Variants in PHF21A observed in about 807,000 individuals in gnomAD.
The protein encoded by PHF21A is BHC80a.
In PHF21A, 11 loss-of-function variants were observed where a neutral mutation model predicts 82.5. The observed-to-expected ratio is 0.13, with a 90% CI of 0.08 to 0.22. The LOEUF (loss-of-function observed/expected upper bound fraction) is 0.22, where lower values mean the gene tolerates loss of function less well. Among genes scored for constraint, PHF21A ranks in the 10% least tolerant of loss-of-function variants. The probability of loss-of-function intolerance (pLI) is 1.00; values close to 1 mark genes in which losing one functional copy is unlikely to be tolerated. For synonymous variants in PHF21A, 297 were observed against 302.8 expected (o/e 0.98, Z 0.20); for missense variants, 579 against 837.8 (o/e 0.69, Z 3.81).
chr11:46,036,532 C>T (rs2096007797), intron 6 of PHF21A, among the ~76,000 whole-genome samples: 1 of 152,104 alleles, frequency 6.6e-6, no homozygotes, highest in South Asian at 2.1e-4. Flanking sequence ...GTTCAATCTC[C>T]CCACTTAGAA....
At chr11:46,094,740 C>CA (rs998378554) in intron 1 of PHF21A, among the ~76,000 whole-genome samples, 22 of 148,424 alleles carry the variant, frequency 1.5e-4, no homozygotes, top group Middle Eastern at 6.9e-3. Context: ...ACTAAAAATA[C>CA]AAAAAAAAAA....
At chr11:45,942,447 G>A (rs997947524) in intron 15 of PHF21A, among the ~76,000 whole-genome samples, 1 of 152,208 alleles carries the variant, frequency 6.6e-6, no homozygotes, top group African/African-American at 2.4e-5. Context: ...CAATGAGCTG[G>A]TGATCCTTTG....
chr11:45,945,015 G>A (rs2091083218), intron 15 of PHF21A, among the ~76,000 whole-genome samples: 1 of 152,124 alleles, frequency 6.6e-6, no homozygotes, highest in African/African-American at 2.4e-5. Flanking sequence ...TGCCTGCCTC[G>A]GCCTCCCAAA....
At chr11:45,984,083 T>TC (rs753776131) in intron 6 of PHF21A, among the ~76,000 whole-genome samples, 7 of 152,148 alleles carry the variant, frequency 4.6e-5, no homozygotes, top group Non-Finnish European at 7.3e-5. Context: ...CCTGAAGCTT[T>TC]GAGAAAGGGC....
intron 6 of PHF21A, among the ~76,000 whole-genome samples, chr11:46,021,327 G>C (rs928912913): frequency 6.8e-6 from 1 of 148,134 alleles, no homozygotes; most frequent in African/African-American, 2.5e-5. Context: ...CTTCCAAAGT[G>C]CTGGGATTAC....
rs2087545551 is a variant in PHF21A, at chr11:45,930,286, CTG to C, written c.*3680_*3681del. 6.6e-6 allele frequency: 1 copy of C among 152,284 alleles called. No homozygotes were observed. Among genetic ancestry groups the C allele is most frequent in the Admixed American group, 6.5e-5 (1 of 15,288 alleles). The allele number at this position is 152,284 out of a possible 1,614,324, so 9.4% of individuals were successfully genotyped here. On this transcript the variant is annotated 3_prime_UTR_variant, in exon 19 of 19. Transcript: ENST00000676320. ...GACACGGTCACCCTCACGGAAACAG[CTG>C]TGTGTAACCACCTCCATGCACGCTG... is the stretch of plus-strand genomic sequence containing the variant.
chr11:46,056,786 T>C (rs1318998145), intron 6 of PHF21A, among the ~76,000 whole-genome samples: 1 of 152,148 alleles, frequency 6.6e-6, no homozygotes, highest in African/African-American at 2.4e-5. Flanking sequence ...AGATTAGCTA[T>C]AGAATCCTTG....
chr11:46,065,441 TG>T (rs1456800282), intron 6 of PHF21A, among the ~76,000 whole-genome samples: 1 of 152,242 alleles, frequency 6.6e-6, no homozygotes, highest in East Asian at 1.9e-4. Context: ...ATGCTGAGCA[TG>T]GCAGTGCTGA....
intron 12 of PHF21A, 56 bp from the exon 13 acceptor site, chr11:45,949,537 T>G: frequency 7.3e-7 from 1 of 1,372,144 alleles, no homozygotes; most frequent in South Asian, 1.2e-5. Context: ...CTAAAAAACT[T>G]AACTTCATTG....
chr11:46,087,136 G>C (rs1046533813), intron 3 of PHF21A, among the ~76,000 whole-genome samples: 1 of 152,174 alleles, frequency 6.6e-6, no homozygotes, highest in Non-Finnish European at 1.5e-5. Flanking sequence ...TCTTCTTTTT[G>C]GGGTATTGAT....
chr11:45,937,858 T>G (rs943260158), intron 16 of PHF21A, among the ~76,000 whole-genome samples: 13 of 152,210 alleles, frequency 8.5e-5, no homozygotes, highest in African/African-American at 3.1e-4. Flanking sequence ...AACCATATAC[T>G]TGGTCTGGAC....
At chr11:45,945,512 A>G (rs1381592838) in intron 15 of PHF21A, among the ~76,000 whole-genome samples, 2 of 152,140 alleles carry the variant, frequency 1.3e-5, no homozygotes, top group African/African-American at 4.8e-5. Flanking sequence ...CAAAACACTG[A>G]TGATAGAAAC....
chr11:45,969,145 C>G (rs1354880763), intron 9 of PHF21A, among the ~76,000 whole-genome samples: 1 of 152,150 alleles, frequency 6.6e-6, no homozygotes, highest in African/African-American at 2.4e-5. Flanking sequence ...TGTCTGAAAA[C>G]TAGGGCCTCA....
intron 9 of PHF21A, among the ~76,000 whole-genome samples, chr11:45,969,369 C>CT (rs2136036680): frequency 6.6e-6 from 1 of 152,310 alleles, no homozygotes; most frequent in East Asian, 1.9e-4. Flanking sequence ...AAGGCTTTGC[C>CT]TTTAAGCATG....
At chr11:46,105,592 C>G (rs945738751) in intron 1 of PHF21A, among the ~76,000 whole-genome samples, 17 of 152,118 alleles carry the variant, frequency 1.1e-4, no homozygotes, top group Admixed American at 2.6e-4. Flanking sequence ...CCTTCCATCA[C>G]CCCTTCTTCT....
chr11:46,075,902 A>C (rs1384922271), intron 6 of PHF21A, among the ~76,000 whole-genome samples: 1 of 152,260 alleles, frequency 6.6e-6, no homozygotes, highest in East Asian at 1.9e-4. Flanking sequence ...AGAACTATTT[A>C]GTCAAAAATC....
chr11:45,936,432 T>C (rs1314897042), intron 17 of PHF21A, 62 bp downstream of exon 17: 1 of 931,746 alleles, frequency 1.1e-6, no homozygotes, highest in Middle Eastern at 2.2e-4. Context: ...AAACAAATAC[T>C]GCCAGTATTT....
In PHF21A at chr11:45,936,539, G is replaced by C. The variant is rs2089097233; in HGVS notation, c.1639C>G (p.Pro547Ala). Residue 547 changes from proline (P) to alanine (A), a missense_variant, in exon 17 of 19, where the codon CCT becomes GCT. Around this residue, in one of 3 missense-constraint regions of PHF21A, gnomAD observed 410 missense variants for 642.1 expected, o/e 0.64. Transcript: ENST00000676320. ...GAATGAACAATTGCTAAAGTTCCAG[G>C]CCATGGAATTGCTTCTTCCTTCTTC... ...MLKKEEAIPW[P>A]GTLAIVHSYI... 6.2e-7 allele frequency: 1 copy of C among 1,613,140 alleles called. No homozygotes were observed. Among genetic ancestry groups the C allele is most frequent in the Admixed American group, 1.7e-5 (1 of 59,992 alleles).
At chr11:45,975,322 C>CAA (rs2093971227) in intron 7 of PHF21A, among the ~76,000 whole-genome samples, 3 of 112,092 alleles carry the variant, frequency 2.7e-5, no homozygotes, top group Non-Finnish European at 4.1e-5. Flanking sequence ...TCAAAGAAAA[C>CAA]AAAATAAAAT....
Sources: allele counts gnomAD v4.1 joint callset (sites outside exome capture counted in the v4.1 genomes callset), GRCh38; gene constraint gnomAD v4.1.1; regional missense constraint gnomAD v4.1.1; transcripts MANE v1.5; gene names NCBI Gene and HGNC (gene_info 2026-07-23, HGNC 2026-07-21).